The following POTEI variants were observed in gnomAD, a reference collection of about 807,000 sequenced individuals.
The protein encoded by POTEI is POTE ankyrin domain family, member I.
A neutral mutation model predicts 43.4 loss-of-function variants in POTEI; 14 were observed. That is an observed-to-expected ratio of 0.32 (90% CI 0.21 to 0.50). The LOEUF is 0.50. Ranked by LOEUF, POTEI falls within the 20% of genes least tolerant of loss-of-function variation. The pLI is 0.98. For missense variants in POTEI, 235 were observed against 795.4 expected (o/e 0.30, Z 8.47); for synonymous variants, 95 against 297.9 (o/e 0.32, Z 7.01).
At chr2:130,482,685 C>A (rs1429457756) in intron 9 of POTEI, among the ~76,000 whole-genome samples, 5 of 149,782 alleles carry the variant, frequency 3.3e-5, no homozygotes, top group South Asian at 2.1e-4. Flanking sequence ...TTTATGGCTT[C>A]TAATTCAGGG....
chr2:130,508,124 C>G lies in POTEI; in HGVS notation c.521+591G>C, dbSNP rs1477369813. On this transcript the variant is annotated intron_variant, in intron 1 of 14. Coordinates refer to ENST00000451531, the MANE Select transcript of POTEI (RefSeq NM_001277406.2). ...CGATCTCCTGACCTCGTGATCCGCCCGCCTCCCCAAAGTGCTGGGATTACA... is the reference window on the plus strand; with the variant it reads ...CGATCTCCTGACCTCGTGATCCGCCGGCCTCCCCAAAGTGCTGGGATTACA... Among the ~76,000 whole-genome samples, 3 of 5,482 alleles carry G rather than the reference C, an allele frequency of 5.5e-4. 1 individual carries two copies. The highest frequency in any genetic ancestry group is 5.9e-4 in the African/African-American group (3 of 5,126). 3.6% of individuals were successfully genotyped at this position (5,482 alleles called of 152,430 possible).
At chr2:130,468,487 C>T (rs1362048661) in intron 13 of POTEI, among the ~76,000 whole-genome samples, 1 of 152,052 alleles carries the variant, frequency 6.6e-6, no homozygotes, top group Non-Finnish European at 1.5e-5. Context: ...AAGCAGGCAC[C>T]TTCTTCATAA....
chr2:130,504,461 T>C (rs929106260), intron 1 of POTEI, among the ~76,000 whole-genome samples: 3 of 149,596 alleles, frequency 2.0e-5, no homozygotes, highest in African/African-American at 7.4e-5. Flanking sequence ...GTCTCCATGT[T>C]GTCTCCACTG....
At position 130,486,905 on chromosome 2, in the gene POTEI, C is replaced by T. The variant is rs879619704; in HGVS notation, c.1409+1127G>A. ...AAAAGTTTTACCCAATATACTGAAACGTTTATATTAAATACAGATCCCCAT... is the reference window on the plus strand; with the variant it reads ...AAAAGTTTTACCCAATATACTGAAATGTTTATATTAAATACAGATCCCCAT... On this transcript the variant is annotated intron_variant, in intron 9 of 14. Transcript: ENST00000451531. 2.2e-4 allele frequency among the ~76,000 whole-genome samples: 28 copies of T among 124,540 alleles called. 3 individuals are homozygous for T. The highest frequency in any genetic ancestry group is 4.0e-3 in the Middle Eastern group (1 of 252). The allele number at this position is 124,540 out of a possible 152,430, so 81.7% of individuals were successfully genotyped here.
At chr2:130,478,608 G>C (rs1282814830) in intron 10 of POTEI, among the ~76,000 whole-genome samples, 1 of 130,886 alleles carries the variant, frequency 7.6e-6, no homozygotes, top group Admixed American at 8.1e-5. Context: ...TCAGAACTAT[G>C]ACATGAAGCC....
At chr2:130,483,540 G>C (rs1289837665) in intron 9 of POTEI, among the ~76,000 whole-genome samples, 2 of 126,702 alleles carry the variant, frequency 1.6e-5, no homozygotes, top group Non-Finnish European at 3.2e-5. Flanking sequence ...GAGCCAAAAC[G>C]ATTTTAAAAA....
Position 130,463,686 on chromosome 2 carries a change from C to A in POTEI, c.2358G>T (p.Trp786Cys), listed in dbSNP as rs1418667566. 1.9e-6 allele frequency: 3 copies of A among 1,604,594 alleles called. No individual in the cohort carries two copies. The highest frequency in any genetic ancestry group is 1.7e-6 in the Non-Finnish European group (2 of 1,178,748). ...ITNWDDMEKIWHHTFYNELRV... is the reference protein window; with the variant it reads ...ITNWDDMEKICHHTFYNELRV... Reference sequence around the variant, plus strand: ...GCAGCTCGTTGTAGAAGGTGTGGTGCCAGATCTTCTCCATGTCATCCCAGT... The same window carrying A: ...GCAGCTCGTTGTAGAAGGTGTGGTGACAGATCTTCTCCATGTCATCCCAGT... The change falls in exon 15 of 15, where the codon TGG (tryptophan) becomes TGT (cysteine). Residue 786 changes from tryptophan to cysteine, a missense_variant. By Grantham distance (215) the Trp-to-Cys change is radical (BLOSUM62 -2). Transcript: ENST00000451531.
intron 5 of POTEI, 112 bp from the exon 6 acceptor site, chr2:130,496,734 T>C (rs1372729119): frequency 8.2e-6 from 9 of 1,092,590 alleles, no homozygotes; most frequent in Non-Finnish European, 1.1e-5. Context: ...TATCAGAACT[T>C]AATAGTATTA....
chr2:130,474,078 G>T (rs1290935257), intron 13 of POTEI, among the ~76,000 whole-genome samples: 1 of 147,462 alleles, frequency 6.8e-6, no homozygotes, highest in Non-Finnish European at 1.5e-5. Context: ...AAGCCTCCAT[G>T]ATACAGTTTA....
Position 130,470,538 on chromosome 2 carries a change from T to A in POTEI, c.1778+3840A>T, listed in dbSNP as rs1288361641. On this transcript the variant is annotated intron_variant, in intron 13 of 14. Transcript: ENST00000451531. ...CAAATAGGTTTGAAGTTAGAGATGA[T>A]AAATCACTTTGTTTCATTGAAACTT... Among the ~76,000 whole-genome samples the A allele has an allele frequency of 9.3e-4, 7 of 7,550 alleles. 3 individuals are homozygous for A. Among genetic ancestry groups the A allele is most frequent in the African/African-American group, 1.0e-3 (7 of 7,016 alleles). 5.0% of individuals were successfully genotyped at this position (7,550 alleles called of 152,430 possible).
chr2:130,477,146 T>C (rs1311147093), intron 10 of POTEI, among the ~76,000 whole-genome samples: 2 of 151,022 alleles, frequency 1.3e-5, no homozygotes, highest in African/African-American at 4.9e-5. Context: ...TTTATTTTCT[T>C]TTTTTCTTTT....
At chr2:130,484,005 G>A (rs1361963639) in intron 9 of POTEI, among the ~76,000 whole-genome samples, 2 of 149,526 alleles carry the variant, frequency 1.3e-5, no homozygotes, top group African/African-American at 5.0e-5. Context: ...TCTAAGCAGT[G>A]AAGATATGGT....
intron 9 of POTEI, among the ~76,000 whole-genome samples, chr2:130,482,493 T>C (rs1175384714): frequency 2.7e-5 from 4 of 150,850 alleles, no homozygotes; most frequent in Non-Finnish European, 5.9e-5. Flanking sequence ...TAACATTTTT[T>C]TAAATGCTCA....
At chr2:130,480,047 G>A (rs562709149) in intron 10 of POTEI, among the ~76,000 whole-genome samples, 24 of 49,972 alleles carry the variant, frequency 4.8e-4, no homozygotes, top group South Asian at 9.7e-4. Context: ...AAAGACACAC[G>A]TGAAGAAAAG....
In POTEI at chr2:130,461,612, G is replaced by A. The variant is rs1480983535; in HGVS notation, c.*1204C>T. The A allele has an allele frequency of 6.6e-6, 1 of 152,066 alleles. No homozygotes were observed. Among genetic ancestry groups the A allele is most frequent in the African/African-American group, 2.4e-5 (1 of 41,372 alleles). 9.4% of individuals were successfully genotyped at this position (152,066 alleles called of 1,614,324 possible). On this transcript the variant is annotated 3_prime_UTR_variant, in exon 15 of 15. Coordinates refer to ENST00000451531, the MANE Select transcript of POTEI (RefSeq NM_001277406.2). Reference sequence around the variant, plus strand: ...CCCCTCTCCGGGAGCTCTGTCCCAGGAACATTTCACATTTCCATTGGCCAA... The same window carrying A: ...CCCCTCTCCGGGAGCTCTGTCCCAGAAACATTTCACATTTCCATTGGCCAA...
At chr2:130,505,133 A>G (rs1187167077) in intron 1 of POTEI, among the ~76,000 whole-genome samples, 1 of 149,620 alleles carries the variant, frequency 6.7e-6, no homozygotes, top group Non-Finnish European at 1.5e-5. Flanking sequence ...TGTTCTCATC[A>G]TTTAGCTCCC....
rs565163372 is a variant in POTEI, at chr2:130,509,017, C to G, written c.219G>C (p.Arg73Ser). The G allele has an allele frequency of 4.5e-5, 68 of 1,520,830 alleles. 2 individuals are homozygous for G. Among genetic ancestry groups the G allele is most frequent in the Middle Eastern group, 1.8e-4 (1 of 5,568 alleles). The allele number at this position is 1,520,830 out of a possible 1,614,324, so 94.2% of individuals were successfully genotyped here. A position where few individuals can be genotyped will look rare whatever the true frequency, so the allele number is the denominator to read the frequency against. Residue 73 changes from arginine to serine, a missense_variant, in exon 1 of 15, where the codon AGG becomes AGC. By Grantham distance (110) the Arg-to-Ser change is moderately radical. Transcript: ENST00000451531. Reference sequence around the variant, plus strand: ...TGCCCACGTTGCTCTTGCCACTCCCCCTGCAGCAGGGGAAGCAGTGGCAGC... The same window carrying G: ...TGCCCACGTTGCTCTTGCCACTCCCGCTGCAGCAGGGGAAGCAGTGGCAGC... ...KWCCHCFPCCRGSGKSNVGTS... is the reference protein window; with the variant it reads ...KWCCHCFPCCSGSGKSNVGTS...
At chr2:130,491,627 G>A (rs1816690) in intron 6 of POTEI, among the ~76,000 whole-genome samples, 9 of 15,502 alleles carry the variant, frequency 5.8e-4, no homozygotes, top group African/African-American at 1.3e-3. Context: ...TTCCCTCCAC[G>A]ATTCAGACAT....
In POTEI at chr2:130,482,302, T is replaced by C. The variant is rs1233335000; in HGVS notation, c.1410-229A>G. 2.8e-5 allele frequency among the ~76,000 whole-genome samples: 4 copies of C among 144,172 alleles called. No homozygotes were observed. In the South Asian group the frequency reaches 6.5e-4, roughly 23 times the overall value. 94.6% of individuals were successfully genotyped at this position (144,172 alleles called of 152,430 possible). ...ATAAATCGAGGGCACTGTGACCCAG[T>C]AAATTAACTTGCATTAGCCTGACAT... On this transcript the variant is annotated intron_variant, in intron 9 of 14. Transcript: ENST00000451531.
Sources: allele counts gnomAD v4.1 joint callset (sites outside exome capture counted in the v4.1 genomes callset), GRCh38; gene constraint gnomAD v4.1.1; transcripts MANE v1.5; gene names NCBI Gene and HGNC (gene_info 2026-07-23, HGNC 2026-07-21).